Variants in GALNT13 observed in about 807,000 individuals in gnomAD.
GALNT13 encodes polypeptide N-acetylgalactosaminyltransferase 13.
A neutral mutation model predicts 64.2 loss-of-function variants in GALNT13; 28 were observed. The ratio of observed to expected loss-of-function variants is 0.44; its 90% CI spans 0.32 to 0.60. GALNT13 has a LOEUF of 0.60. Among genes scored for constraint, GALNT13 ranks in the 20% least tolerant of loss-of-function variants. The pLI is 0.05. For synonymous variants in GALNT13, 214 were observed against 224.6 expected (o/e 0.95, Z 0.42); for missense variants, 577 against 669.8 (o/e 0.86, Z 1.53).
chr2:153,493,733 C>T, the GALNT13 span, among the ~76,000 whole-genome samples: 2 of 151,534 alleles, frequency 1.3e-5, no homozygotes, highest in African/African-American at 4.8e-5. Context: ...ATATTAAAAT[C>T]CTTAATAAAA....
chr2:154,051,307 G>A (rs976033664), intron 3 of GALNT13, among the ~76,000 whole-genome samples: 1 of 121,332 alleles, frequency 8.2e-6, no homozygotes, highest in African/African-American at 3.3e-5. Context: ...TTTTTGAGAC[G>A]GAGTCTCGCT....
At chr2:153,603,581 C>A in the GALNT13 span, among the ~76,000 whole-genome samples, 5 of 151,862 alleles carry the variant, frequency 3.3e-5, no homozygotes, top group African/African-American at 4.8e-5. Flanking sequence ...AAGTTTCATT[C>A]ATTTTCAGTG....
chr2:153,775,818 A>G, the GALNT13 span, among the ~76,000 whole-genome samples: 4 of 152,142 alleles, frequency 2.6e-5, no homozygotes, highest in Non-Finnish European at 5.9e-5. Flanking sequence ...ATATTGAATG[A>G]CTATGTCTTG....
chr2:153,233,683 A>G, the GALNT13 span, among the ~76,000 whole-genome samples: 1 of 152,154 alleles, frequency 6.6e-6, no homozygotes, highest in Non-Finnish European at 1.5e-5. Context: ...TAATATATTT[A>G]CATTAAATGA....
chr2:153,993,695 CA>C (rs5835495), intron 3 of GALNT13, among the ~76,000 whole-genome samples: 67 of 105,140 alleles, frequency 6.4e-4, no homozygotes, highest in Middle Eastern at 5.2e-3. Flanking sequence ...GACTCCATCT[CA>C]AAAAAAAAAA....
At chr2:154,003,252 A>G (rs1348663793) in intron 3 of GALNT13, among the ~76,000 whole-genome samples, 1 of 152,106 alleles carries the variant, frequency 6.6e-6, no homozygotes, top group African/African-American at 2.4e-5. Context: ...CTTCCTGTGG[A>G]ATGAAATCAG....
the GALNT13 span, among the ~76,000 whole-genome samples, chr2:153,837,914 C>T: frequency 6.6e-6 from 1 of 151,904 alleles, no homozygotes; most frequent in African/African-American, 2.4e-5. Flanking sequence ...TCCTTTTCTC[C>T]AATCCTCACC....
the GALNT13 span, among the ~76,000 whole-genome samples, chr2:153,344,599 A>G: frequency 6.6e-6 from 1 of 152,150 alleles, no homozygotes; most frequent in African/African-American, 2.4e-5. Context: ...ATAGAAAGCA[A>G]TGTGTTACTG....
the GALNT13 span, among the ~76,000 whole-genome samples, chr2:153,859,024 T>G: frequency 6.6e-6 from 1 of 152,166 alleles, no homozygotes; most frequent in East Asian, 1.9e-4. Context: ...ATGAGCCACA[T>G]GTCTGGCCAA....
At chr2:153,905,093 C>T (rs1239831021) in intron 2 of GALNT13, among the ~76,000 whole-genome samples, 1 of 151,720 alleles carries the variant, frequency 6.6e-6, no homozygotes, top group Non-Finnish European at 1.5e-5. Flanking sequence ...GTTCTTCTAC[C>T]ACATGTTATT....
At chr2:153,890,149 A>G (rs985479291) in intron 1 of GALNT13, among the ~76,000 whole-genome samples, 9 of 151,986 alleles carry the variant, frequency 5.9e-5, no homozygotes, top group African/African-American at 2.2e-4. Context: ...TTGTAACATA[A>G]ACAAACACAA....
At chr2:153,999,645 C>T (rs1695767033) in intron 3 of GALNT13, among the ~76,000 whole-genome samples, 2 of 152,016 alleles carry the variant, frequency 1.3e-5, no homozygotes, top group African/African-American at 4.8e-5. Context: ...ATGAACCATC[C>T]TTTCATCCCT....
At chr2:153,403,167 G>T in the GALNT13 span, among the ~76,000 whole-genome samples, 14 of 150,962 alleles carry the variant, frequency 9.3e-5, no homozygotes, top group South Asian at 8.3e-4. Context: ...TCAGCTGCAG[G>T]TCTGTTGGAG....
the GALNT13 span, among the ~76,000 whole-genome samples, chr2:153,268,064 A>G: frequency 4.9e-4 from 74 of 152,168 alleles, no homozygotes; most frequent in African/African-American, 1.7e-3. Flanking sequence ...ACATCAAAAC[A>G]TAATCATTCC....
At chr2:153,655,320 T>C in the GALNT13 span, among the ~76,000 whole-genome samples, 1 of 152,170 alleles carries the variant, frequency 6.6e-6, no homozygotes, top group Admixed American at 6.6e-5. Context: ...TTTTTAAAAA[T>C]GTCTGATGAC....
the GALNT13 span, among the ~76,000 whole-genome samples, chr2:153,192,848 A>AT: frequency 3.3e-5 from 5 of 151,468 alleles, no homozygotes; most frequent in African/African-American, 9.7e-5. Flanking sequence ...TGCATAGAAT[A>AT]TTTTTTCCAT....
chr2:153,433,436 C>CT, the GALNT13 span, among the ~76,000 whole-genome samples: 3 of 8,164 alleles, frequency 3.7e-4, no homozygotes, highest in African/African-American at 5.0e-3. Context: ...TTTGGCAATC[C>CT]TCTTATCCTG....
At chr2:153,836,636 C>T in the GALNT13 span, among the ~76,000 whole-genome samples, 5 of 151,122 alleles carry the variant, frequency 3.3e-5, no homozygotes, top group Non-Finnish European at 7.4e-5. Context: ...TTAGGTATAT[C>T]TCCTAATGCT....
At chr2:154,376,329 G>A (rs554566583) in intron 9 of GALNT13, among the ~76,000 whole-genome samples, 1 of 151,874 alleles carries the variant, frequency 6.6e-6, no homozygotes, top group African/African-American at 2.4e-5. Flanking sequence ...CTAATATATT[G>A]CATTATATAG....
Sources: gnomAD v4.1 joint callset for allele counts (sites outside exome capture counted in the v4.1 genomes callset) on GRCh38, gnomAD v4.1.1 for gene constraint, MANE v1.5 for transcripts, NCBI Gene and HGNC (gene_info 2026-07-23, HGNC 2026-07-21) for gene names.